The following RGS5 variants were observed in gnomAD, a reference collection of about 807,000 sequenced individuals.
The protein encoded by RGS5 is regulator of G-protein signalling 5.
RGS5 carries 20 observed loss-of-function variants against 18.9 expected under a neutral mutation model. The observed-to-expected ratio is 1.06, with a 90% CI of 0.74 to 1.54. The LOEUF is 1.54. RGS5 is among the 40% of genes most tolerant of loss of function. The pLI is 0.00. For synonymous variants in RGS5, 57 were observed against 76.2 expected (o/e 0.75, Z 1.31); for missense variants, 201 against 211.8 (o/e 0.95, Z 0.32).
chr1:163,202,903 C>T lies in RGS5; in HGVS notation c.-68G>A. ...TAACAGCAGAGCCAGTCTTTGAAAA[C>T]TTCAAAACTGTCTGGGATGCCTTTC... On this transcript the variant is annotated 5_prime_UTR_variant, in exon 1 of 5. Transcript: ENST00000313961. The T allele has an allele frequency of 6.7e-7, 1 of 1,481,580 alleles. No homozygotes were observed. The highest frequency in any genetic ancestry group is 9.4e-7 in the Non-Finnish European group (1 of 1,063,102). The allele number at this position is 1,481,580 out of a possible 1,614,324, so 91.8% of individuals were successfully genotyped here. A position where few individuals can be genotyped will look rare whatever the true frequency, so the allele number is the denominator to read the frequency against.
chr1:163,198,270 T>G (rs1035192799), intron 1 of RGS5, among the ~76,000 whole-genome samples: 2 of 152,150 alleles, frequency 1.3e-5, no homozygotes, highest in African/African-American at 4.8e-5. Flanking sequence ...TGACACACCC[T>G]TGAGATGGCC....
chr1:163,271,000 C>T (rs1648704275), intron 2 of RGS5, among the ~76,000 whole-genome samples: 1 of 152,094 alleles, frequency 6.6e-6, no homozygotes, highest in Non-Finnish European at 1.5e-5. Flanking sequence ...TGTAAGTATA[C>T]AATGCAATGA....
chr1:163,321,615 A>C (rs991011655), intron 1 of RGS5: 5 of 152,178 alleles, frequency 3.3e-5, no homozygotes, highest in Non-Finnish European at 7.3e-5. Context: ...GGAATTCTAT[A>C]AATTACCTCT....
At chr1:163,281,619 T>C (rs1009448300) in intron 2 of RGS5, among the ~76,000 whole-genome samples, 5 of 152,028 alleles carry the variant, frequency 3.3e-5, no homozygotes, top group African/African-American at 1.2e-4. Flanking sequence ...ACCTCCAACA[T>C]TGGGGATCAT....
chr1:163,171,456 A>G (rs1658293997), intron 1 of RGS5, among the ~76,000 whole-genome samples: 1 of 152,142 alleles, frequency 6.6e-6, no homozygotes, highest in African/African-American at 2.4e-5. Context: ...CAACCTTGAC[A>G]CAATAGTCCA....
intron 2 of RGS5, among the ~76,000 whole-genome samples, chr1:163,225,534 A>T (rs1647314485): frequency 6.6e-6 from 1 of 152,138 alleles, no homozygotes; most frequent in East Asian, 1.9e-4. Context: ...GTGTTTCAAC[A>T]TCTGAGTTTG....
chr1:163,320,724 T>C (rs188333445), intron 1 of RGS5, among the ~76,000 whole-genome samples: 1 of 152,314 alleles, frequency 6.6e-6, no homozygotes, highest in East Asian at 1.9e-4. Context: ...GAGACTTACA[T>C]CAGTAAATAG....
At chr1:163,180,911 G>T (rs1658812870) in intron 1 of RGS5, among the ~76,000 whole-genome samples, 1 of 151,738 alleles carries the variant, frequency 6.6e-6, no homozygotes, top group African/African-American at 2.4e-5. Flanking sequence ...AGCGAGGATG[G>T]TCTCGATATC....
At position 163,152,674 on chromosome 1, in the gene RGS5, C is replaced by A; in HGVS notation, c.260G>T (p.Ser87Ile). 1 of 1,609,648 alleles carries A rather than the reference C, an allele frequency of 6.2e-7. No individual in the cohort carries two copies. The highest frequency in any genetic ancestry group is 8.5e-7 in the Non-Finnish European group (1 of 1,177,954). ...SFKSFLKSEFSEENLEFWIAC... is the reference protein window; with the variant it reads ...SFKSFLKSEFIEENLEFWIAC... Reference sequence around the variant, plus strand: ...AATCCAGAACTCAAGGTTTTCCTCACTGAATTCAGACTTCAGGAAACTTTT... The same window carrying A: ...AATCCAGAACTCAAGGTTTTCCTCAATGAATTCAGACTTCAGGAAACTTTT... Residue 87 changes from serine (S) to isoleucine (I), a missense_variant, in exon 4 of 5, where the codon AGT becomes ATT. Ser to Ile is a moderately radical substitution (Grantham distance 142). Coordinates refer to ENST00000313961, the MANE Select transcript of RGS5 (RefSeq NM_003617.4).
chr1:163,196,897 C>T (rs1438929192), intron 1 of RGS5, among the ~76,000 whole-genome samples: 1 of 152,182 alleles, frequency 6.6e-6, no homozygotes, highest in Non-Finnish European at 1.5e-5. Context: ...AAATACCAAG[C>T]TGTCCTAGAA....
At chr1:163,306,477 C>A (rs747801158) in intron 1 of RGS5, 15 of 152,150 alleles carry the variant, frequency 9.9e-5, no homozygotes, top group Admixed American at 2.6e-4. Flanking sequence ...GGTATATTTG[C>A]CCTGGTTTGA....
Position 163,283,657 on chromosome 1 carries a change from T to C in RGS5, c.-281+22576A>G, listed in dbSNP as rs1350330675. Among the ~76,000 whole-genome samples, 3 of 152,168 alleles carry C rather than the reference T, an allele frequency of 2.0e-5. No individual in the cohort carries two copies. The East Asian group carries it at 5.8e-4, about 29-fold the overall frequency. ...CTCTCATAATTACATTATTTAAGAC[T>C]TGATCTTCCAGCAGGCTCACTCTAG... On this transcript the variant is annotated intron_variant, in intron 2 of 5. Transcript: ENST00000618415.
intron 2 of RGS5, among the ~76,000 whole-genome samples, chr1:163,294,759 G>T (rs1232037567): frequency 1.3e-5 from 2 of 152,040 alleles, no homozygotes; most frequent in East Asian, 3.9e-4. Context: ...TTAAACATAG[G>T]TTCTAATTTC....
chr1:163,306,005 CTT>C (rs1405474551), intron 2 of RGS5, among the ~76,000 whole-genome samples: 3 of 151,994 alleles, frequency 2.0e-5, no homozygotes, highest in Non-Finnish European at 4.4e-5. Context: ...TTTTTTTAAT[CTT>C]TTTTATGACT....
chr1:163,320,176 G>GT (rs1462967731), intron 1 of RGS5, among the ~76,000 whole-genome samples: 1 of 151,756 alleles, frequency 6.6e-6, no homozygotes, highest in East Asian at 1.9e-4. Context: ...AAATCGCTTG[G>GT]TTTTTTTTCT....
chr1:163,174,270 T>C (rs529807835), intron 1 of RGS5, among the ~76,000 whole-genome samples: 1 of 152,346 alleles, frequency 6.6e-6, no homozygotes, highest in South Asian at 2.1e-4. Flanking sequence ...GCGAATATTG[T>C]CTATCTCTCC....
At chr1:163,286,383 C>A (rs2101722418) in intron 2 of RGS5, among the ~76,000 whole-genome samples, 1 of 152,106 alleles carries the variant, frequency 6.6e-6, no homozygotes, top group South Asian at 2.1e-4. Flanking sequence ...TGAGGAAGAC[C>A]ATACACATAT....
chr1:163,153,430 A>C (rs771616198), intron 3 of RGS5, among the ~76,000 whole-genome samples: 2 of 152,128 alleles, frequency 1.3e-5, no homozygotes, highest in African/African-American at 2.4e-5. Context: ...AGGAAGTAAC[A>C]TTCAATTTGA....
intron 1 of RGS5, among the ~76,000 whole-genome samples, chr1:163,179,614 C>A (rs1024302213): frequency 2.0e-5 from 3 of 152,152 alleles, no homozygotes; most frequent in Non-Finnish European, 4.4e-5. Flanking sequence ...CTATTATCAA[C>A]TTAGTCAGTA....
Sources: allele counts gnomAD v4.1 joint callset (sites outside exome capture counted in the v4.1 genomes callset), GRCh38; gene constraint gnomAD v4.1.1; transcripts MANE v1.5; gene names NCBI Gene and HGNC (gene_info 2026-07-23, HGNC 2026-07-21).